Variants in MORN3 observed in about 807,000 individuals in gnomAD.
MORN3 encodes the protein MORN repeat containing 3.
MORN3 carries 38 observed loss-of-function variants against 34.7 expected under a neutral mutation model. That is an observed-to-expected ratio of 1.10 (90% CI 0.85 to 1.44). The LOEUF (loss-of-function observed/expected upper bound fraction) is 1.44. Among genes scored for constraint, MORN3 ranks in the 40% most tolerant of loss-of-function variants. MORN3 has a pLI of 0.00. For synonymous variants in MORN3, 109 were observed against 115.3 expected (o/e 0.95, Z 0.35); for missense variants, 311 against 321.7 (o/e 0.97, Z 0.25).
intron 1 of MORN3, among the ~76,000 whole-genome samples, chr12:121,667,718 C>CT (rs869040121): frequency 0.026 from 3,820 of 144,686 alleles, 185 homozygotes; most frequent in African/African-American, 0.091. Flanking sequence ...TCCTCCAAGT[C>CT]TTTTTTTTTT....
At chr12:121,657,191 C>G (rs59776246) in intron 2 of MORN3, among the ~76,000 whole-genome samples, 4,505 of 152,264 alleles carry the variant, frequency 0.03, 182 homozygotes, top group East Asian at 0.11. Context: ...AGCCCTTTCC[C>G]GAAGACCTCC....
chr12:121,655,534 AC>A (rs1361003398), intron 2 of MORN3, among the ~76,000 whole-genome samples: 1 of 151,044 alleles, frequency 6.6e-6, no homozygotes, highest in East Asian at 1.9e-4. Context: ...ACGTGGCAAA[AC>A]CCTGTCTCTA....
chr12:121,659,269 G>A lies in MORN3; in HGVS notation c.225C>T (p.Gly75=), dbSNP rs1414596553. 9 of 1,613,954 alleles carry A rather than the reference G, an allele frequency of 5.6e-6. No individual in the cohort carries two copies. The highest frequency in any genetic ancestry group is 7.6e-6 in the Non-Finnish European group (9 of 1,180,024). The part of the protein sequence containing the change: ...DWKFGKRDGY[G]TLSLPDQQTG... Reference sequence around the variant, plus strand: ...TCTGTTGGTCAGGAAGGCTGAGGGTGCCGTAGCCGTCTCGCTTCCCAAACT... The same window carrying A: ...TCTGTTGGTCAGGAAGGCTGAGGGTACCGTAGCCGTCTCGCTTCCCAAACT... Residue 75 remains glycine (G), a synonymous_variant, in exon 2 of 6, where the codon GGC becomes GGT. Transcript: ENST00000355329.
At chr12:121,663,717 T>C (rs1207965424) in intron 1 of MORN3, among the ~76,000 whole-genome samples, 1 of 152,178 alleles carries the variant, frequency 6.6e-6, no homozygotes, top group African/African-American at 2.4e-5. Context: ...AGCCTACAAG[T>C]AGGAAATACG....
chr12:121,651,107 C>T lies in MORN3; in HGVS notation c.*544G>A, dbSNP rs1555325018. On this transcript the variant is annotated 3_prime_UTR_variant, in exon 6 of 6. Transcript: ENST00000355329. ...GGACCTGCCATTTCTTTCTCTTTTT[C>T]TTTTCCTTTCTTTTATATTTTAAAA... 2.0e-5 allele frequency: 3 copies of T among 151,982 alleles called. No individual in the cohort carries two copies. The highest frequency in any genetic ancestry group is 7.3e-5 in the African/African-American group (3 of 41,338). The allele number at this position is 151,982 out of a possible 1,614,324, so 9.4% of individuals were successfully genotyped here. A position where few individuals can be genotyped will look rare whatever the true frequency, so the allele number is the denominator to read the frequency against.
In MORN3 at chr12:121,663,124, CA is replaced by C. The variant is rs1893635552; in HGVS notation, c.146-3777del. Among the ~76,000 whole-genome samples, 7 of 151,784 alleles carry C rather than the reference CA, an allele frequency of 4.6e-5. No individual in the cohort carries two copies. In the South Asian group the frequency reaches 1.5e-3, roughly 32 times the overall value. ...AGATCTTAATTGTTCTCCCCACACA[CA>C]AACAAAATGGTAATAATGTGAGGAG... On this transcript the variant is annotated intron_variant, in intron 1 of 5. Transcript: ENST00000355329.
At position 121,652,914 on chromosome 12, in the gene MORN3, G is replaced by A. The variant is rs561503624; in HGVS notation, c.649-106C>T. 3.4e-6 allele frequency: 5 copies of A among 1,449,604 alleles called. No individual in the cohort carries two copies. The South Asian group carries it at 4.7e-5, about 14-fold the overall frequency. The allele number at this position is 1,449,604 out of a possible 1,614,324, so 89.8% of individuals were successfully genotyped here. A position where few individuals can be genotyped will look rare whatever the true frequency, so the allele number is the denominator to read the frequency against. On this transcript the variant is annotated intron_variant, in intron 4 of 5. Transcript: ENST00000355329. ...TGGGGTGCTGCCAGCCTCATCAGGA[G>A]CCACCTCCCTTGCTAGGGATGCCCT...
At position 121,660,412 on chromosome 12, in the gene MORN3, TGC is replaced by T. The variant is rs1348991623; in HGVS notation, c.146-1066_146-1065del. Among the ~76,000 whole-genome samples the T allele has an allele frequency of 2.0e-5, 3 of 147,114 alleles. No individual in the cohort carries two copies. In the East Asian group the frequency reaches 6.1e-4, roughly 30 times the overall value. ...TGTTGCCCAGGCTGAAGTGCAGTGT[TGC>T]GATCTCGGCTCACTGCAACCTCCGC... On this transcript the variant is annotated intron_variant, in intron 1 of 5. Transcript: ENST00000355329.
At chr12:121,669,833 T>TATA (rs199792815), upstream of MORN3, among the ~76,000 whole-genome samples, 5,062 of 103,498 alleles carry the variant, frequency 0.049, 176 homozygotes, top group East Asian at 0.24. Context: ...TATATATATA[T>TATA]TTTTTTTTTT....
chr12:121,669,402 T>C lies in MORN3; in HGVS notation c.82A>G (p.Ser28Gly), dbSNP rs1594239060. 6.2e-7 allele frequency: 1 copy of C among 1,614,112 alleles called. No individual in the cohort carries two copies. Among genetic ancestry groups the C allele is most frequent in the South Asian group, 1.1e-5 (1 of 91,088 alleles). Residue 28 changes from serine (S) to glycine (G), a missense_variant, in exon 1 of 6, where the codon AGC (serine) becomes GGC (glycine). Ser to Gly is a moderately conservative substitution (Grantham distance 56). Coordinates refer to ENST00000355329, the MANE Select transcript of MORN3 (RefSeq NM_173855.5). ...TCGCCATTCACAGCGTATACCTGGC[T>C]CCGCAGGCCGTTCCTCTGGGCCTTC... ...DRKAQRNGLR[S>G]QVYAVNGDYY...
In MORN3 at chr12:121,669,581, G is replaced by A. The variant is rs547200327; in HGVS notation, c.-98C>T. The A allele has an allele frequency of 5.5e-5, 84 of 1,523,480 alleles. No homozygotes were observed. In the African/African-American group the frequency reaches 1.0e-3, roughly 19 times the overall value. 94.4% of individuals were successfully genotyped at this position (1,523,480 alleles called of 1,614,324 possible). ...TAATGCCGGGATCCTGAGCTCAAGT[G>A]GGGAGAGTCATGTGTGTTCTGAGTC... On this transcript the variant is annotated 5_prime_UTR_variant, in exon 1 of 6. Coordinates refer to ENST00000355329, the MANE Select transcript of MORN3 (RefSeq NM_173855.5).
In MORN3 at chr12:121,652,921, C is replaced by G. The variant is rs1412864029; in HGVS notation, c.649-113G>C. On this transcript the variant is annotated intron_variant, in intron 4 of 5. Coordinates refer to ENST00000355329, the MANE Select transcript of MORN3 (RefSeq NM_173855.5). ...CTGCCAGCCTCATCAGGAGCCACCT[C>G]CCTTGCTAGGGATGCCCTGACTGAA... The G allele has an allele frequency of 1.3e-5, 18 of 1,439,880 alleles. No homozygotes were observed. The African/African-American group carries it at 2.1e-4, about 17-fold the overall frequency. The allele number at this position is 1,439,880 out of a possible 1,614,324, so 89.2% of individuals were successfully genotyped here. A position where few individuals can be genotyped will look rare whatever the true frequency, so the allele number is the denominator to read the frequency against.
At chr12:121,670,472 A>G (rs752948256), upstream of MORN3, among the ~76,000 whole-genome samples, 6 of 152,196 alleles carry the variant, frequency 3.9e-5, no homozygotes, top group Non-Finnish European at 5.9e-5. Flanking sequence ...CAAGAAGAAA[A>G]TAAAAATAAG....
rs1893301985 is a variant in MORN3 at position 121,653,180 on chromosome 12, GC to G, written c.542del (p.Gly181AlafsTer18). Reference protein sequence around the residue: ...GAGRFFHLDHGQLFEGFWVDN... With the variant: ...GAGRFFHLDHXQLFEGFWVDN... ...CCACCCAGAAGCCTTCAAACAGCTG[GC>G]CGTGGTCCAGATGGAAGAAACGCCC... On this transcript the variant is annotated frameshift_variant, in exon 4 of 6. Coordinates refer to ENST00000355329, the MANE Select transcript of MORN3 (RefSeq NM_173855.5). LOFTEE classifies it high-confidence loss of function. The G allele has an allele frequency of 4.3e-6, 7 of 1,614,050 alleles. No individual in the cohort carries two copies. Among genetic ancestry groups the G allele is most frequent in the Non-Finnish European group, 5.9e-6 (7 of 1,180,050 alleles).
At chr12:121,672,298 A>G (rs1166583833), upstream of MORN3, among the ~76,000 whole-genome samples, 11 of 139,464 alleles carry the variant, frequency 7.9e-5, no homozygotes, top group Admixed American at 7.8e-4. Flanking sequence ...TATCTCTACA[A>G]AAAAAAAAAA....
intron 3 of MORN3, 128 bp from the exon 4 acceptor site, chr12:121,653,387 C>T (rs1893310461): frequency 2.0e-6 from 2 of 979,838 alleles, no homozygotes; most frequent in Non-Finnish European, 3.0e-6. Context: ...GCTCATAAGC[C>T]CAGGAGATCA....
chr12:121,672,541 G>C (rs1594243061), upstream of MORN3: 2 of 152,398 alleles, frequency 1.3e-5, no homozygotes, highest in African/African-American at 4.8e-5. Flanking sequence ...CAGGAGTCCT[G>C]GGCCTGCCCC....
chr12:121,654,663 T>C (rs1555325531), intron 2 of MORN3, among the ~76,000 whole-genome samples: 2 of 151,978 alleles, frequency 1.3e-5, no homozygotes, highest in Non-Finnish European at 2.9e-5. Context: ...AGTGATGTGA[T>C]CTCGGCTCAC....
intron 1 of MORN3, among the ~76,000 whole-genome samples, chr12:121,666,602 A>T (rs1025801105): frequency 7.9e-5 from 12 of 152,006 alleles, no homozygotes; most frequent in Admixed American, 6.6e-4. Context: ...TACTTGCAGG[A>T]GGAGAGAAAA....
Sources: gnomAD v4.1 joint callset for allele counts (sites outside exome capture counted in the v4.1 genomes callset) on GRCh38, gnomAD v4.1.1 for gene constraint, MANE v1.5 for transcripts, NCBI Gene and HGNC (gene_info 2026-07-23, HGNC 2026-07-21) for gene names.